Variants in PSMD6 observed in about 807,000 individuals in gnomAD.
The protein encoded by PSMD6 is 26S proteasome non-ATPase regulatory subunit 6.
Under a neutral mutation model 44.9 loss-of-function variants are expected in PSMD6, and 7 were observed. The ratio of observed to expected loss-of-function variants is 0.16; its 90% CI spans 0.09 to 0.29. The LOEUF is 0.29. PSMD6 is among the 10% of genes least tolerant of loss of function. PSMD6 has a pLI of 1.00. For synonymous variants in PSMD6, 184 were observed against 172.7 expected (o/e 1.07, Z -0.51); for missense variants, 420 against 482.6 (o/e 0.87, Z 1.21).
chr3:64,019,196 A>G, intron 3 of PSMD6, 100 bp downstream of exon 3: 1 of 1,444,442 alleles, frequency 6.9e-7, no homozygotes, highest in East Asian at 2.3e-5. Context: ...TTATTTGACC[A>G]AACTTACTAG....
At chr3:64,022,056 C>T (rs886367239) in intron 2 of PSMD6, among the ~76,000 whole-genome samples, 6 of 152,236 alleles carry the variant, frequency 3.9e-5, no homozygotes, top group African/African-American at 1.4e-4. Context: ...AAATAAAATT[C>T]TCTAGATGTA....
At chr3:64,020,201 C>G (rs1350139712) in intron 2 of PSMD6, among the ~76,000 whole-genome samples, 1 of 152,036 alleles carries the variant, frequency 6.6e-6, no homozygotes, top group Non-Finnish European at 1.5e-5. Flanking sequence ...CTTGACGGAG[C>G]CTCTGCTAAC....
intron 6 of PSMD6, chr3:64,011,163 A>ATATTCAGATAG (rs1553698250): frequency 2.3e-6 from 1 of 436,286 alleles, no homozygotes; most frequent in Admixed American, 4.1e-5. Flanking sequence ...CTAGAAGTTC[A>ATATTCAGATAG]TATTCAGATA....
Position 64,023,263 on chromosome 3 carries a change from T to C in PSMD6, c.145+12A>G, listed in dbSNP as rs2076162708. 7.1e-6 allele frequency: 11 copies of C among 1,553,658 alleles called. No homozygotes were observed. The highest frequency in any genetic ancestry group is 8.7e-6 in the Non-Finnish European group (10 of 1,148,388). ...GCCTAGGCCGCTGACTCGGCGCTCG[T>C]GCGGGCCTCACTGTTATCGCGGACG... On this transcript the variant is annotated intron_variant, in intron 1 of 7. Transcript: ENST00000295901.
intron 2 of PSMD6, among the ~76,000 whole-genome samples, chr3:64,020,533 A>G (rs868200770): frequency 2.0e-5 from 3 of 152,340 alleles, no homozygotes; most frequent in Middle Eastern, 3.4e-3. Context: ...CAAGCCACAA[A>G]CATACAGCTT....
intron 2 of PSMD6, among the ~76,000 whole-genome samples, chr3:64,021,601 G>C (rs1441205296): frequency 6.6e-6 from 1 of 152,174 alleles, no homozygotes; most frequent in Non-Finnish European, 1.5e-5. Context: ...CTGAGGTCAG[G>C]AGTTCGAGAC....
Position 64,018,871 on chromosome 3 carries a change from A to G in PSMD6, c.664T>C (p.Tyr222His), listed in dbSNP as rs989723996. 38 of 1,598,216 alleles carry G rather than the reference A, an allele frequency of 2.4e-5. No individual in the cohort carries two copies. Among genetic ancestry groups the G allele is most frequent in the Non-Finnish European group, 3.2e-5 (37 of 1,165,648 alleles). Residue 222 changes from tyrosine (Y) to histidine (H), a missense_variant, in exon 4 of 8, where the codon TAT (tyrosine) becomes CAT (histidine). Around this residue, in one of 4 missense-constraint regions of PSMD6, gnomAD observed 216 missense variants for 227.0 expected, o/e 0.95. Transcript: ENST00000295901. ...GCAATCATACTGACATAGACAGTAT[A>G]AGTCACAAATGTTTTATAATCCATG... ...ELMDYKTFVT[Y>H]TVYVSMIALE...
intron 6 of PSMD6, 175 bp from the exon 7 acceptor site, chr3:64,011,130 C>T (rs979335896): frequency 1.9e-6 from 1 of 522,010 alleles, no homozygotes. Context: ...TTTAAGTCAT[C>T]ATCTACTAGA....
chr3:64,022,530 T>C lies in PSMD6; in HGVS notation c.146-7A>G. 8 of 1,613,330 alleles carry C rather than the reference T, an allele frequency of 5.0e-6. No individual in the cohort carries two copies. The highest frequency in any genetic ancestry group is 5.9e-6 in the Non-Finnish European group (7 of 1,179,296). ...TCATAGTAAGGAGCCATGTCTAACA[T>C]GCAAAAAGAGGGATGTGTGAGTGGG... is the stretch of plus-strand genomic sequence containing the variant. On this transcript the variant is annotated splice_polypyrimidine_tract_variant and splice_region_variant and intron_variant, in intron 1 of 7. Transcript: ENST00000295901.
chr3:64,023,746 G>A, upstream of PSMD6: 1 of 1,479,758 alleles, frequency 6.8e-7, no homozygotes, highest in East Asian at 2.5e-5. Context: ...GTAACTGATG[G>A]GAGCTTAAAA....
intron 2 of PSMD6, among the ~76,000 whole-genome samples, chr3:64,021,223 T>C (rs1230175957): frequency 2.0e-5 from 3 of 152,196 alleles, no homozygotes; most frequent in East Asian, 3.8e-4. Context: ...ACAACACATA[T>C]GTCCAACAAC....
intron 5 of PSMD6, chr3:64,016,916 T>C (rs1576031282): frequency 6.6e-6 from 1 of 152,170 alleles, no homozygotes; most frequent in South Asian, 2.1e-4. Context: ...ATCTATGAAC[T>C]AATGAATGGA....
intron 6 of PSMD6, chr3:64,012,379 A>C (rs1005503624): frequency 6.6e-6 from 1 of 151,988 alleles, no homozygotes; most frequent in African/African-American, 2.4e-5. Context: ...CTCCTACCCA[A>C]CTCTACTCTC....
chr3:64,012,161 A>ATG (rs1185689375), intron 6 of PSMD6: 4 of 135,236 alleles, frequency 3.0e-5, no homozygotes, highest in Non-Finnish European at 6.2e-5. Flanking sequence ...ATATGTTAAA[A>ATG]TGTACTGTAC....
intron 6 of PSMD6, chr3:64,011,582 T>C (rs2106838169): frequency 6.6e-6 from 1 of 152,190 alleles, no homozygotes; most frequent in East Asian, 1.9e-4. Context: ...AAGGCCTTTT[T>C]AGGTAACAAC....
In PSMD6 at chr3:64,019,295, C is replaced by T; in HGVS notation, c.497+1G>A. 1 of 1,570,246 alleles carries T rather than the reference C, an allele frequency of 6.4e-7. No individual in the cohort carries two copies. Among genetic ancestry groups the T allele is most frequent in the Non-Finnish European group, 8.8e-7 (1 of 1,140,682 alleles). On this transcript the variant is annotated splice_donor_variant, in intron 3 of 7. Transcript: ENST00000295901. LOFTEE classifies it high-confidence loss of function. ...AATATAATCCCACCCTTAGAAAGTA[C>T]CTTTTGGCCTTTTCTGTGTTTCGTG...
upstream of PSMD6, chr3:64,023,504 G>A: frequency 6.9e-7 from 1 of 1,440,090 alleles, no homozygotes; most frequent in Non-Finnish European, 9.2e-7. Flanking sequence ...CGGCGAATAC[G>A]CCCGGCCGCC....
intron 1 of PSMD6, 200 bp downstream of exon 1, chr3:64,023,075 C>T: frequency 7.0e-7 from 1 of 1,428,382 alleles, no homozygotes; most frequent in Non-Finnish European, 9.1e-7. Context: ...CAGAGAGATG[C>T]AGACCCCGCT....
At chr3:64,022,123 GTTTGGGGAAATGACAAGGCA>G in intron 2 of PSMD6, among the ~76,000 whole-genome samples, 175 bp downstream of exon 2, 1 of 152,320 alleles carries the variant, frequency 6.6e-6, no homozygotes, top group Middle Eastern at 3.4e-3. Context: ...CCTAGCTGCT[GTTTGGGGAAATGACAAGGCA>G]TTTCATGGAG....
Sources: gnomAD v4.1 joint callset for allele counts (sites outside exome capture counted in the v4.1 genomes callset) on GRCh38, gnomAD v4.1.1 for gene constraint, gnomAD v4.1.1 regional missense constraint, MANE v1.5 for transcripts, NCBI Gene and HGNC (gene_info 2026-07-23, HGNC 2026-07-21) for gene names.